CADM2: variants seen among roughly 807,000 people sequenced by gnomAD.
The protein encoded by CADM2 is immunoglobulin superfamily member 4D.
Under a neutral mutation model 49.8 loss-of-function variants are expected in CADM2, and 12 were observed. The observed-to-expected ratio is 0.24, with a 90% confidence interval of 0.15 to 0.39. CADM2 has a LOEUF of 0.39. Among genes scored for constraint, CADM2 ranks in the 10% least tolerant of loss-of-function variants. The pLI, the probability that CADM2 is intolerant of heterozygous loss-of-function variation, is 1.00. For synonymous variants in CADM2, 214 were observed against 175.4 expected (o/e 1.22, Z -1.74); for missense variants, 378 against 492.3 (o/e 0.77, Z 2.20).
chr3:85,796,878 C>T (rs1279679971), intron 2 of CADM2, among the ~76,000 whole-genome samples: 7 of 151,954 alleles, frequency 4.6e-5, no homozygotes, highest in Admixed American at 1.3e-4. Context: ...GGGCTTATCA[C>T]GAGGTCAAGA....
At chr3:85,733,023 G>T (rs1000152045) in intron 2 of CADM2, among the ~76,000 whole-genome samples, 2 of 152,180 alleles carry the variant, frequency 1.3e-5, no homozygotes, top group African/African-American at 2.4e-5. Context: ...ATAGCCTGAT[G>T]AGTAGCTAGC....
chr3:85,310,108 T>C (rs2107041847), intron 1 of CADM2, among the ~76,000 whole-genome samples: 1 of 152,338 alleles, frequency 6.6e-6, no homozygotes, highest in Middle Eastern at 3.4e-3. Flanking sequence ...AAATAGAAGA[T>C]GCCTTTCACA....
At chr3:85,018,210 A>G (rs558773206) in intron 1 of CADM2, among the ~76,000 whole-genome samples, 1 of 152,330 alleles carries the variant, frequency 6.6e-6, no homozygotes, top group African/African-American at 2.4e-5. Context: ...GTTTCATATC[A>G]GGAATCAGGA....
At chr3:85,380,535 T>C (rs2033844824) in intron 1 of CADM2, among the ~76,000 whole-genome samples, 2 of 151,978 alleles carry the variant, frequency 1.3e-5, no homozygotes, top group African/African-American at 4.8e-5. Context: ...AATTAATATA[T>C]TTTTAAATAC....
intron 3 of CADM2, 64 bp from the exon 4 acceptor site, chr3:85,883,227 T>C (rs1713070461): frequency 7.6e-7 from 1 of 1,312,596 alleles, no homozygotes; most frequent in Non-Finnish European, 1.0e-6. Flanking sequence ...TGAAAATATA[T>C]AGTCTAAAAA....
intron 1 of CADM2, among the ~76,000 whole-genome samples, chr3:85,174,870 G>T (rs2040734517): frequency 1.3e-5 from 2 of 152,132 alleles, no homozygotes; most frequent in African/African-American, 4.8e-5. Flanking sequence ...TTAGTTTACT[G>T]TGTGATTCTA....
At chr3:85,734,758 A>G (rs2044653) in intron 2 of CADM2, among the ~76,000 whole-genome samples, 31,870 of 147,756 alleles carry the variant, frequency 0.22, 4,064 homozygotes, top group Middle Eastern at 0.3. Flanking sequence ...ATATATGTAT[A>G]TATACATATA....
At chr3:85,708,899 G>A (rs1015537871) in intron 1 of CADM2, among the ~76,000 whole-genome samples, 1 of 151,632 alleles carries the variant, frequency 6.6e-6, no homozygotes, top group Non-Finnish European at 1.5e-5. Context: ...TCAGATTATG[G>A]GTTTGTTAAA....
At chr3:85,831,796 C>T (rs189912996) in intron 3 of CADM2, among the ~76,000 whole-genome samples, 27 of 148,322 alleles carry the variant, frequency 1.8e-4, no homozygotes, top group African/African-American at 6.7e-4. Context: ...TGTTTACTCT[C>T]TTGATACTCT....
At chr3:85,286,604 G>T (rs144427573) in intron 1 of CADM2, among the ~76,000 whole-genome samples, 1 of 152,126 alleles carries the variant, frequency 6.6e-6, no homozygotes, top group African/African-American at 2.4e-5. Flanking sequence ...AGTCACTCAG[G>T]AACCTCCTTA....
intron 1 of CADM2, among the ~76,000 whole-genome samples, chr3:85,085,389 T>C (rs184872093): frequency 5.3e-5 from 8 of 152,168 alleles, no homozygotes; most frequent in African/African-American, 1.9e-4. Flanking sequence ...AGGACAGTAT[T>C]TTTTTCTTTT....
Position 85,861,340 on chromosome 3 carries a change from G to A in CADM2, c.239-21951G>A, listed in dbSNP as rs1176475800. 4.6e-5 allele frequency among the ~76,000 whole-genome samples: 7 copies of A among 152,128 alleles called. No homozygotes were observed. The East Asian group carries it at 1.3e-3, about 29-fold the overall frequency. ...TATGTAACTGGAAATAGACCTAAAA[G>A]CATTTGTTAACTGTTAGATGTAGGA... On this transcript the variant is annotated intron_variant, in intron 3 of 9. Coordinates refer to ENST00000383699, the MANE Select transcript of CADM2 (RefSeq NM_001167675.2).
intron 1 of CADM2, among the ~76,000 whole-genome samples, chr3:85,469,991 A>T (rs934675071): frequency 6.6e-6 from 1 of 152,088 alleles, no homozygotes; most frequent in African/African-American, 2.4e-5. Context: ...TGCTGGAGGG[A>T]AGCGGAGTAG....
chr3:85,710,354 A>T (rs537938502), intron 1 of CADM2, among the ~76,000 whole-genome samples: 10 of 151,582 alleles, frequency 6.6e-5, no homozygotes, highest in South Asian at 2.1e-4. Flanking sequence ...TTCTATTTAA[A>T]TTTTTTTTTC....
intron 8 of CADM2, among the ~76,000 whole-genome samples, chr3:86,020,665 A>G (rs1227522684): frequency 6.6e-6 from 1 of 152,112 alleles, no homozygotes; most frequent in Non-Finnish European, 1.5e-5. Flanking sequence ...CATCCCTGGG[A>G]TGCAAGGCTG....
chr3:85,958,058 T>G (rs904828041), intron 7 of CADM2, among the ~76,000 whole-genome samples: 10 of 151,690 alleles, frequency 6.6e-5, no homozygotes, highest in African/African-American at 2.4e-4. Flanking sequence ...CTGACAAAGG[T>G]CTAATATTTA....
intron 1 of CADM2, among the ~76,000 whole-genome samples, chr3:84,994,810 C>A (rs1006618958): frequency 6.6e-6 from 1 of 151,958 alleles, no homozygotes; most frequent in Admixed American, 6.6e-5. Flanking sequence ...GGCCAGATCA[C>A]GATGTCAGGA....
chr3:85,142,447 A>G (rs1352830482), intron 1 of CADM2, among the ~76,000 whole-genome samples: 2 of 152,204 alleles, frequency 1.3e-5, no homozygotes, highest in Non-Finnish European at 2.9e-5. Flanking sequence ...GAAATTATCC[A>G]AAAGGATTTG....
chr3:85,976,629 T>C (rs1726816563), intron 8 of CADM2, among the ~76,000 whole-genome samples: 1 of 151,574 alleles, frequency 6.6e-6, no homozygotes, highest in African/African-American at 2.4e-5. Context: ...ATGAAGCTAG[T>C]AGTAGTTAAA....
Sources: gnomAD v4.1 joint callset for allele counts (sites outside exome capture counted in the v4.1 genomes callset) on GRCh38, gnomAD v4.1.1 for gene constraint, MANE v1.5 for transcripts, NCBI Gene and HGNC (gene_info 2026-07-23, HGNC 2026-07-21) for gene names.